The following GABRR3 variants were observed in gnomAD, a reference collection of about 807,000 sequenced individuals.
The protein encoded by GABRR3 is gamma-aminobutyric acid receptor subunit rho-3.
Under a neutral mutation model 43.2 loss-of-function variants are expected in GABRR3, and 29 were observed. The observed-to-expected ratio is 0.67, with a 90% CI of 0.50 to 0.92. The LOEUF (loss-of-function observed/expected upper bound fraction) is 0.92. Ranked by LOEUF, GABRR3 falls within the 40% of genes least tolerant of loss-of-function variation. The probability of loss-of-function intolerance (pLI) is 0.00; values close to 1 mark genes in which losing one functional copy is unlikely to be tolerated. For synonymous variants in GABRR3, 206 were observed against 195.9 expected (o/e 1.05, Z -0.43); for missense variants, 576 against 572.3 (o/e 1.01, Z -0.07).
intron 2 of GABRR3, among the ~76,000 whole-genome samples, chr3:98,031,804 G>T (rs1323880430): frequency 6.6e-6 from 1 of 152,030 alleles, no homozygotes; most frequent in Non-Finnish European, 1.5e-5. Context: ...AACCTGACCA[G>T]CCAGTTTCCC....
chr3:98,000,420 T>C (rs1471273383), intron 8 of GABRR3: 2 of 152,136 alleles, frequency 1.3e-5, no homozygotes, highest in Admixed American at 1.3e-4. Context: ...CTTGGTCTTG[T>C]ATTTGGGTCT....
chr3:97,993,769 C>T (rs1706502206), intron 8 of GABRR3, among the ~76,000 whole-genome samples: 1 of 151,964 alleles, frequency 6.6e-6, no homozygotes, highest in Admixed American at 6.6e-5. Flanking sequence ...CTTCCCTTTC[C>T]TTCTCTTCCC....
At position 97,993,070 on chromosome 3, in the gene GABRR3, A is replaced by G. The variant is rs55891321; in HGVS notation, c.908-22T>C. 6.9e-3 allele frequency: 10,813 copies of G among 1,558,466 alleles called. 586 individuals are homozygous for G. The African/African-American group carries it at 0.12, about 18-fold the overall frequency. On this transcript the variant is annotated intron_variant, in intron 8 of 9. Coordinates refer to ENST00000621172, the Ensembl canonical transcript of GABRR3. ...ATTCCTGCCATTTGAGAATAGTGGCAAGCTCAGTGATATAGCCATTCATTT... is the reference window on the plus strand; with the variant it reads ...ATTCCTGCCATTTGAGAATAGTGGCGAGCTCAGTGATATAGCCATTCATTT...
intron 8 of GABRR3, among the ~76,000 whole-genome samples, chr3:97,995,574 T>C (rs1326335731): frequency 6.6e-6 from 1 of 151,634 alleles, no homozygotes; most frequent in East Asian, 1.9e-4. Flanking sequence ...AAAACCAGCA[T>C]TCTAAATTTT....
chr3:98,032,102 G>A (rs1201738201), intron 2 of GABRR3, among the ~76,000 whole-genome samples: 1 of 151,760 alleles, frequency 6.6e-6, no homozygotes, highest in Non-Finnish European at 1.5e-5. Flanking sequence ...GTATAGTATA[G>A]TATAGTATAG....
chr3:98,006,108 G>A lies in GABRR3; in HGVS notation c.754+1656C>T, dbSNP rs963321344. 6.6e-5 allele frequency among the ~76,000 whole-genome samples: 10 copies of A among 151,528 alleles called. No individual in the cohort carries two copies. In the South Asian group the frequency reaches 1.1e-3, roughly 16 times the overall value. ...TTATTCATATAGAGAAAGACAAACCGAGAAAAGGAGGAGAAGAAGGAGGAG... is the reference window on the plus strand; with the variant it reads ...TTATTCATATAGAGAAAGACAAACCAAGAAAAGGAGGAGAAGAAGGAGGAG... On this transcript the variant is annotated intron_variant, in intron 7 of 9. Transcript: ENST00000621172.
chr3:98,032,859 A>T (rs1039941931), intron 2 of GABRR3, among the ~76,000 whole-genome samples: 20 of 152,190 alleles, frequency 1.3e-4, no homozygotes, highest in Admixed American at 1.3e-4. Context: ...CTTTTGCATT[A>T]TAGAAGAGTG....
chr3:98,029,413 C>T (rs1275113677), intron 2 of GABRR3, among the ~76,000 whole-genome samples: 1 of 151,982 alleles, frequency 6.6e-6, no homozygotes, highest in Admixed American at 6.6e-5. Context: ...CTCAGGGGGA[C>T]TAAGAGGGTC....
exon 9 of GABRR3, chr3:97,992,917 C>T: frequency 1.9e-6 from 3 of 1,613,616 alleles, no homozygotes; most frequent in Non-Finnish European, 2.5e-6. Context: ...GCTGCATACT[C>T]AATGACTGAC....
downstream of GABRR3, chr3:97,986,659 G>A (rs760680994): frequency 7.0e-7 from 1 of 1,429,620 alleles, no homozygotes. Context: ...TGGCTTTAAA[G>A]TTGTATACAT....
chr3:97,992,488 G>A (rs1250407019), intron 9 of GABRR3, among the ~76,000 whole-genome samples: 1 of 152,112 alleles, frequency 6.6e-6, no homozygotes, highest in Non-Finnish European at 1.5e-5. Context: ...TTGGTATGAT[G>A]CCAATATATA....
chr3:97,990,424 C>A (rs1044641357), intron 9 of GABRR3, among the ~76,000 whole-genome samples: 1 of 151,994 alleles, frequency 6.6e-6, no homozygotes, highest in Non-Finnish European at 1.5e-5. Flanking sequence ...TCACAGCTCA[C>A]TGCAACCTCG....
At chr3:98,017,316 C>T (rs9846264) in intron 4 of GABRR3, among the ~76,000 whole-genome samples, 64,859 of 151,938 alleles carry the variant, frequency 0.43, 14,189 homozygotes, top group East Asian at 0.56. Flanking sequence ...ACTCATGATT[C>T]GGATTTCATA....
At chr3:98,021,263 A>T (rs988803339) in intron 3 of GABRR3, among the ~76,000 whole-genome samples, 3 of 152,084 alleles carry the variant, frequency 2.0e-5, no homozygotes, top group Non-Finnish European at 4.4e-5. Flanking sequence ...TAGAGTAGAG[A>T]GTGAGCAGCA....
intron 9 of GABRR3, among the ~76,000 whole-genome samples, chr3:97,989,615 GC>G (rs772529844): frequency 6.6e-6 from 1 of 151,986 alleles, no homozygotes; most frequent in Non-Finnish European, 1.5e-5. Context: ...TAACATTCCA[GC>G]CCTTTCTCAT....
At chr3:98,029,097 G>A (rs1707056478) in intron 2 of GABRR3, among the ~76,000 whole-genome samples, 1 of 152,150 alleles carries the variant, frequency 6.6e-6, no homozygotes, top group South Asian at 2.1e-4. Context: ...TCTGAGGAGA[G>A]GATCTTCTAG....
chr3:98,030,184 TC>T (rs1707071255), intron 2 of GABRR3, among the ~76,000 whole-genome samples: 1 of 151,498 alleles, frequency 6.6e-6, no homozygotes, highest in African/African-American at 2.4e-5. Flanking sequence ...ATTGGTAAAC[TC>T]CCCTAGAAAT....
At chr3:98,027,538 C>T (rs1707036671) in intron 2 of GABRR3, among the ~76,000 whole-genome samples, 1 of 152,204 alleles carries the variant, frequency 6.6e-6, no homozygotes, top group African/African-American at 2.4e-5. Flanking sequence ...AATTAAGAAT[C>T]CCAAGAATGC....
chr3:98,024,877 G>T (rs1706992323), intron 3 of GABRR3, among the ~76,000 whole-genome samples: 1 of 152,208 alleles, frequency 6.6e-6, no homozygotes, highest in Non-Finnish European at 1.5e-5. Flanking sequence ...AGTCTAAGGA[G>T]AAGAAAGTCT....
Sources: allele counts gnomAD v4.1 joint callset (sites outside exome capture counted in the v4.1 genomes callset), GRCh38; gene constraint gnomAD v4.1.1; transcripts MANE v1.5; gene names NCBI Gene and HGNC (gene_info 2026-07-23, HGNC 2026-07-21).